The following NTM variants were observed in gnomAD, a reference collection of about 807,000 sequenced individuals.
NTM encodes IgLON family member 2.
NTM carries 13 observed loss-of-function variants against 42.1 expected under a neutral mutation model. That is an observed-to-expected ratio of 0.31 (90% CI 0.20 to 0.49). NTM has a LOEUF of 0.49. NTM is among the 20% of genes least tolerant of loss of function. The pLI is 0.99. For synonymous variants in NTM, 187 were observed against 179.2 expected, an observed-to-expected ratio of 1.04 and a Z score of -0.35; for missense variants, 373 against 452.8, an observed-to-expected ratio of 0.82 and a Z score of 1.60.
At chr11:131,777,078 T>G in intron 1 of NTM, 2 of 954,652 alleles carry the variant, frequency 2.1e-6, no homozygotes, top group African/African-American at 3.5e-5. Flanking sequence ...ATAGAAAAGG[T>G]GTTGGAAGAA....
chr11:131,729,668 A>C lies in NTM; in HGVS notation c.83-181896A>C, dbSNP rs540163639. Among the ~76,000 whole-genome samples, 27 of 152,274 alleles carry C rather than the reference A, an allele frequency of 1.8e-4. No homozygotes were observed. The South Asian group carries it at 5.4e-3, about 30-fold the overall frequency. ...ATTTGTCTATTCTGTATATTTCACA[A>C]ATATGAAATTAATCAATATGTGGCC... On this transcript the variant is annotated intron_variant, in intron 1 of 8. Coordinates refer to ENST00000683400, the MANE Select transcript of NTM (RefSeq NM_001352005.2).
chr11:131,711,141 A>C (rs1478884961), intron 1 of NTM, among the ~76,000 whole-genome samples: 1 of 152,366 alleles, frequency 6.6e-6, no homozygotes, highest in Non-Finnish European at 1.5e-5. Context: ...GGATCTAATT[A>C]AACTAAAGCG....
intron 1 of NTM, among the ~76,000 whole-genome samples, chr11:131,711,970 T>C (rs1157125207): frequency 1.8e-3 from 174 of 94,314 alleles, no homozygotes; most frequent in African/African-American, 6.9e-3. Flanking sequence ...CATCACACTC[T>C]GGGGACTGTG....
At chr11:132,089,900 C>CA (rs545742868) in intron 2 of NTM, among the ~76,000 whole-genome samples, 1 of 152,032 alleles carries the variant, frequency 6.6e-6, no homozygotes, top group East Asian at 1.9e-4. Flanking sequence ...TATTTTGATG[C>CA]AAAAAAATTA....
intron 1 of NTM, among the ~76,000 whole-genome samples, chr11:131,747,110 G>A (rs1456641211): frequency 6.6e-6 from 1 of 152,184 alleles, no homozygotes; most frequent in Non-Finnish European, 1.5e-5. Flanking sequence ...TACCTTAGGA[G>A]CAATTTATTT....
At chr11:131,606,880 G>A (rs1454251381) in intron 1 of NTM, among the ~76,000 whole-genome samples, 1 of 152,196 alleles carries the variant, frequency 6.6e-6, no homozygotes, top group African/African-American at 2.4e-5. Context: ...ACCACATGTG[G>A]CTGGCTAAAT....
chr11:131,829,022 C>T (rs867958462), intron 1 of NTM, among the ~76,000 whole-genome samples: 13 of 151,974 alleles, frequency 8.6e-5, no homozygotes, highest in African/African-American at 3.1e-4. Context: ...CTCACATACA[C>T]ACAAGCACTC....
At chr11:132,017,211 C>T (rs2073572575) in intron 2 of NTM, among the ~76,000 whole-genome samples, 1 of 151,828 alleles carries the variant, frequency 6.6e-6, no homozygotes, top group Non-Finnish European at 1.5e-5. Context: ...AATAATTTTA[C>T]AATCCAAAGT....
At chr11:131,702,438 C>T (rs1394151827) in intron 1 of NTM, among the ~76,000 whole-genome samples, 5 of 152,150 alleles carry the variant, frequency 3.3e-5, no homozygotes. Flanking sequence ...AGATAACATA[C>T]AGATTTGGAG....
Position 131,760,064 on chromosome 11 carries a change from A to G in NTM, c.83-151500A>G, listed in dbSNP as rs536049497. Reference sequence around the variant, plus strand: ...GGGAAAATGGTGTTTGGGAAGTCCAATTATTTCTGAACCAGAGACAGTCTT... The same window carrying G: ...GGGAAAATGGTGTTTGGGAAGTCCAGTTATTTCTGAACCAGAGACAGTCTT... On this transcript the variant is annotated intron_variant, in intron 1 of 8. Transcript: ENST00000683400. Among the ~76,000 whole-genome samples the G allele has an allele frequency of 1.8e-4, 28 of 152,290 alleles. 1 individual carries two copies. Among genetic ancestry groups the G allele is most frequent in the African/African-American group, 6.3e-4 (26 of 41,564 alleles).
intron 3 of NTM, among the ~76,000 whole-genome samples, chr11:132,168,213 A>G (rs925746440): frequency 2.0e-5 from 3 of 152,192 alleles, no homozygotes; most frequent in Non-Finnish European, 2.9e-5. Flanking sequence ...GTGAGGCCCA[A>G]GCAACTCATC....
intron 2 of NTM, among the ~76,000 whole-genome samples, chr11:131,966,289 C>T (rs982624906): frequency 6.6e-6 from 1 of 152,116 alleles, no homozygotes; most frequent in East Asian, 1.9e-4. Context: ...TATGAATAGG[C>T]ACTGCTAAAG....
chr11:132,226,036 A>G (rs1395734691), intron 4 of NTM, among the ~76,000 whole-genome samples: 1 of 152,216 alleles, frequency 6.6e-6, no homozygotes, highest in African/African-American at 2.4e-5. Context: ...TACAAAGGAC[A>G]TGAACTCATC....
chr11:132,064,593 T>G (rs2136067830), intron 2 of NTM, among the ~76,000 whole-genome samples: 1 of 152,264 alleles, frequency 6.6e-6, no homozygotes. Flanking sequence ...AGGGAAGGGA[T>G]TTGAAGCCAT....
chr11:131,998,189 C>T (rs2068446190), intron 2 of NTM, among the ~76,000 whole-genome samples: 1 of 152,180 alleles, frequency 6.6e-6, no homozygotes, highest in Admixed American at 6.5e-5. Context: ...CCTCCAATTG[C>T]ACTGCAGAAA....
At chr11:131,604,529 G>T (rs991816663) in intron 1 of NTM, among the ~76,000 whole-genome samples, 1 of 151,942 alleles carries the variant, frequency 6.6e-6, no homozygotes, top group African/African-American at 2.4e-5. Flanking sequence ...TAATTTTGAT[G>T]AGATTCAATT....
At chr11:131,913,703 A>G (rs2055735056) in intron 2 of NTM, among the ~76,000 whole-genome samples, 1 of 152,052 alleles carries the variant, frequency 6.6e-6, no homozygotes, top group Non-Finnish European at 1.5e-5. Flanking sequence ...TTGGGTGTGG[A>G]TGGAGATGGG....
At chr11:132,068,553 A>G (rs2056869671) in intron 2 of NTM, among the ~76,000 whole-genome samples, 1 of 152,184 alleles carries the variant, frequency 6.6e-6, no homozygotes, top group South Asian at 2.1e-4. Context: ...ATGCACTTAC[A>G]AGTTCTTTGA....
intron 3 of NTM, among the ~76,000 whole-genome samples, chr11:132,206,965 C>A (rs1440976524): frequency 6.6e-6 from 1 of 152,178 alleles, no homozygotes; most frequent in Non-Finnish European, 1.5e-5. Flanking sequence ...TGCCCTGTTT[C>A]CTCAAACAGA....
Sources: allele counts gnomAD v4.1 joint callset (sites outside exome capture counted in the v4.1 genomes callset), GRCh38; gene constraint gnomAD v4.1.1; transcripts MANE v1.5; gene names NCBI Gene and HGNC (gene_info 2026-07-23, HGNC 2026-07-21).